The following ARHGAP8 variants were observed in gnomAD, a reference collection of about 807,000 sequenced individuals.
ARHGAP8 encodes rho GTPase-activating protein 8.
A neutral mutation model predicts 46.1 loss-of-function variants in ARHGAP8; 62 were observed. The ratio of observed to expected loss-of-function variants is 1.34; its 90% CI spans 1.10 to 1.66. The LOEUF (loss-of-function observed/expected upper bound fraction) is 1.66, where lower values mean the gene tolerates loss of function less well. ARHGAP8 is among the 40% of genes most tolerant of loss of function. The pLI is 0.00. For missense variants in ARHGAP8, 923 were observed against 568.4 expected (o/e 1.62, Z -6.34); for synonymous variants, 375 against 243.1 (o/e 1.54, Z -5.05).
At position 44,755,493 on chromosome 22, in the gene ARHGAP8, A is replaced by G. The variant is rs1008955673; in HGVS notation, c.-72+2866A>G. 5.3e-5 allele frequency among the ~76,000 whole-genome samples: 8 copies of G among 152,228 alleles called. No homozygotes were observed. The East Asian group carries it at 1.3e-3, about 26-fold the overall frequency. On this transcript the variant is annotated intron_variant, in intron 1 of 11. Transcript: ENST00000356099. ...CAAGGAAGATGCATCACGTGTGTCC[A>G]GATGCTTCCCAGGCCTCCCTGGGGT...
At chr22:44,760,549 C>T (rs1205778810) in intron 1 of ARHGAP8, among the ~76,000 whole-genome samples, 2 of 152,196 alleles carry the variant, frequency 1.3e-5, no homozygotes, top group Admixed American at 1.3e-4. Context: ...TGTGCAAATA[C>T]CACAGCGAGC....
At chr22:44,849,110 G>T in intron 10 of ARHGAP8, 50 bp downstream of exon 10, 3 of 1,608,618 alleles carry the variant, frequency 1.9e-6, no homozygotes, top group Non-Finnish European at 2.5e-6. Flanking sequence ...CTCAGATGCT[G>T]TCCCCCAGCT....
At chr22:44,842,163 C>T (rs1931695068) in intron 7 of ARHGAP8, among the ~76,000 whole-genome samples, 1 of 152,136 alleles carries the variant, frequency 6.6e-6, no homozygotes, top group Non-Finnish European at 1.5e-5. Context: ...TAGAGATCAT[C>T]CTGGCCAACA....
chr22:44,844,756 C>T (rs563731732), intron 7 of ARHGAP8, among the ~76,000 whole-genome samples: 1 of 152,348 alleles, frequency 6.6e-6, no homozygotes, highest in Admixed American at 6.5e-5. Context: ...TGCCACCGCA[C>T]CTGGCCAACA....
At chr22:44,857,696 C>T (rs1447078991) in intron 10 of ARHGAP8, among the ~76,000 whole-genome samples, 4 of 152,148 alleles carry the variant, frequency 2.6e-5, no homozygotes, top group East Asian at 1.9e-4. Flanking sequence ...AGGATGATCT[C>T]ATGGCCTGCT....
intron 1 of ARHGAP8, among the ~76,000 whole-genome samples, chr22:44,762,962 G>A (rs1002743593): frequency 6.6e-6 from 1 of 152,150 alleles, no homozygotes; most frequent in Non-Finnish European, 1.5e-5. Flanking sequence ...ATTACAAGTT[G>A]GAGCTATCAG....
At position 44,851,189 on chromosome 22, in the gene ARHGAP8, G is replaced by A. The variant is rs114301437; in HGVS notation, c.877+2129G>A. ...AGATACCAGACATTTGTCCACTTCC[G>A]GATAGGCACCAATTAACAAACCTGG... On this transcript the variant is annotated intron_variant, in intron 10 of 11. Transcript: ENST00000356099. Among the ~76,000 whole-genome samples, 518 of 152,148 alleles carry A rather than the reference G, an allele frequency of 3.4e-3. 5 individuals are homozygous for A. Among genetic ancestry groups the A allele is most frequent in the African/African-American group, 0.011 (471 of 41,498 alleles).
intron 1 of ARHGAP8, chr22:44,786,177 T>C (rs1927207580): frequency 1.8e-6 from 1 of 545,452 alleles, no homozygotes; most frequent in Non-Finnish European, 3.3e-6. Context: ...GCATAATGGG[T>C]GCTCGGCTGA....
intron 1 of ARHGAP8, among the ~76,000 whole-genome samples, chr22:44,771,242 A>ATTTTTTTTTTTTTTTTT: frequency 9.2e-6 from 1 of 108,302 alleles, no homozygotes; most frequent in Non-Finnish European, 1.8e-5. Context: ...TTGCAAGTAA[A>ATTTTTTTTTTTTTTTTT]TTTTTTTTTT....
chr22:44,847,183 C>A (rs1013877000), intron 8 of ARHGAP8, among the ~76,000 whole-genome samples: 1 of 152,238 alleles, frequency 6.6e-6, no homozygotes, highest in Non-Finnish European at 1.5e-5. Flanking sequence ...AGGCTCAGGC[C>A]TGTTTCTCTT....
chr22:44,758,138 T>G (rs1924832384), intron 1 of ARHGAP8, among the ~76,000 whole-genome samples: 1 of 151,962 alleles, frequency 6.6e-6, no homozygotes, highest in South Asian at 2.1e-4. Flanking sequence ...GGCTAAAGAG[T>G]AACCAGATCT....
At chr22:44,790,357 A>C (rs1319198503) in intron 2 of ARHGAP8, among the ~76,000 whole-genome samples, 3 of 113,844 alleles carry the variant, frequency 2.6e-5, no homozygotes, top group Non-Finnish European at 5.5e-5. Context: ...AGGGGTGTAA[A>C]GGAAGAGTTT....
Position 44,819,967 on chromosome 22 carries a change from GAGCCCAGATTGGGCTCCGC to G in ARHGAP8, c.387-2397_387-2379del, listed in dbSNP as rs1025887727. ...CCATAGGAATTGGGCTGGGGCTCTG[GAGCCCAGATTGGGCTCCGC>G]AGCCCATTGCCTGTGAGATCTTGGG... On this transcript the variant is annotated intron_variant, in intron 5 of 11. Coordinates refer to ENST00000356099, the MANE Select transcript of ARHGAP8 (RefSeq NM_181335.3). Among the ~76,000 whole-genome samples the G allele has an allele frequency of 5.3e-5, 8 of 152,326 alleles. 1 individual carries two copies.
chr22:44,860,955 C>A (rs546404090), intron 11 of ARHGAP8, among the ~76,000 whole-genome samples: 1 of 151,676 alleles, frequency 6.6e-6, no homozygotes, highest in Non-Finnish European at 1.5e-5. Flanking sequence ...TTTTTTTCTC[C>A]CTGTTGCTTG....
chr22:44,842,253 A>G (rs1416731607), intron 7 of ARHGAP8, among the ~76,000 whole-genome samples: 2 of 152,146 alleles, frequency 1.3e-5, no homozygotes, highest in African/African-American at 4.8e-5. Flanking sequence ...GCTACTCGGG[A>G]GGCTGAGGCA....
At chr22:44,859,638 G>A (rs767934999) in intron 10 of ARHGAP8, 93 bp from the exon 11 acceptor site, 10 of 1,391,162 alleles carry the variant, frequency 7.2e-6, no homozygotes, top group Non-Finnish European at 1.0e-5. Context: ...CCTCAGAGCT[G>A]TCCTTCCTAC....
chr22:44,856,340 C>G (rs2070224401), intron 10 of ARHGAP8, among the ~76,000 whole-genome samples: 5 of 129,502 alleles, frequency 3.9e-5, no homozygotes, highest in East Asian at 2.5e-4. Context: ...GGCTGAGATT[C>G]TCTACTCACT....
intron 2 of ARHGAP8, among the ~76,000 whole-genome samples, chr22:44,787,263 C>T (rs1437121049): frequency 1.3e-5 from 2 of 152,182 alleles, no homozygotes; most frequent in East Asian, 1.9e-4. Context: ...TCTGCAAAAA[C>T]GTAGACAACA....
At position 44,814,765 on chromosome 22, in the gene ARHGAP8, G is replaced by A. The variant is rs374191352; in HGVS notation, c.386+7G>A. On this transcript the variant is annotated splice_region_variant and intron_variant, in intron 5 of 11. Transcript: ENST00000356099. ...TCTTGAAGCCCCTCATCAGGTATGC[G>A]TCACTCTGGGAGAGGACCTCGCTGG... 78 of 1,613,664 alleles carry A rather than the reference G, an allele frequency of 4.8e-5. No individual in the cohort carries two copies. The highest frequency in any genetic ancestry group is 2.9e-5 in the Non-Finnish European group (34 of 1,179,862).
Sources: allele counts gnomAD v4.1 joint callset (sites outside exome capture counted in the v4.1 genomes callset), GRCh38; gene constraint gnomAD v4.1.1; transcripts MANE v1.5; gene names NCBI Gene and HGNC (gene_info 2026-07-23, HGNC 2026-07-21).